Variants in DVL3 observed in about 807,000 individuals in gnomAD.
The protein encoded by DVL3 is segment polarity protein dishevelled homolog DVL-3.
In DVL3, 27 loss-of-function variants were observed where a neutral mutation model predicts 67.4. That is an observed-to-expected ratio of 0.40 (90% CI 0.30 to 0.55). The LOEUF (loss-of-function observed/expected upper bound fraction) is 0.55, where lower values mean the gene tolerates loss of function less well. Among genes scored for constraint, DVL3 ranks in the 20% least tolerant of loss-of-function variants. DVL3 has a pLI of 0.46. For missense variants in DVL3, 819 were observed against 1,021.5 expected (o/e 0.80, Z 2.70); for synonymous variants, 369 against 396.8 (o/e 0.93, Z 0.83).
chr3:184,169,978 T>G (rs1244560245), intron 13 of DVL3, 28 bp from the exon 14 acceptor site: 1 of 1,574,940 alleles, frequency 6.3e-7, no homozygotes, highest in African/African-American at 1.3e-5. Context: ...CGGAAAGACC[T>G]AGCTCCATCC....
intron 1 of DVL3, chr3:184,156,325 C>A (rs552021689): frequency 1.2e-3 from 565 of 456,280 alleles, no homozygotes; most frequent in Middle Eastern, 2.7e-3. Flanking sequence ...GGCGCCTGGC[C>A]GCGAGCGGGG....
chr3:184,164,449 G>GC lies in DVL3; in HGVS notation c.354-38dup, dbSNP rs1714492760. The stretch of plus-strand genomic sequence containing the variant: ...GTTCAGCCCAGGGCTGGGGGAGGGA[G>GC]CCCCCAGCCTGCCCCCTCCCCCATC... On this transcript the variant is annotated intron_variant, in intron 3 of 14. Transcript: ENST00000313143. This position sits in a 1 kb window ranked among gnomAD's most constrained non-coding sequence, Gnocchi z 5.3. 4 of 1,595,728 alleles carry GC rather than the reference G, an allele frequency of 2.5e-6. No individual in the cohort carries two copies. Among genetic ancestry groups the GC allele is most frequent in the Non-Finnish European group, 1.7e-6 (2 of 1,170,390 alleles).
At chr3:184,169,298 A>G (rs1714714563) in intron 13 of DVL3, among the ~76,000 whole-genome samples, 1 of 152,240 alleles carries the variant, frequency 6.6e-6, no homozygotes, top group South Asian at 2.1e-4. Flanking sequence ...ATTGTGCCTC[A>G]TGAACTTCAG....
In DVL3 at chr3:184,156,631, G is replaced by A; in HGVS notation, c.161+835G>A. On this transcript the variant is annotated intron_variant, in intron 1 of 14. Coordinates refer to ENST00000313143, the MANE Select transcript of DVL3 (RefSeq NM_004423.4). The stretch of plus-strand genomic sequence containing the variant: ...CAGAGATCTGGACAGGCACAGTTTG[G>A]AAGCAGTCACTTTCCCTTTAAGAGG... The A allele has an allele frequency of 1.1e-5, 4 of 363,630 alleles. 1 individual carries two copies. Among genetic ancestry groups the A allele is most frequent in the South Asian group, 8.2e-5 (4 of 48,492 alleles). 22.5% of individuals were successfully genotyped at this position (363,630 alleles called of 1,614,324 possible).
chr3:184,165,044 C>T lies in DVL3; in HGVS notation c.600-69C>T. 6.2e-7 allele frequency: 1 copy of T among 1,608,534 alleles called. No individual in the cohort carries two copies. Among genetic ancestry groups the T allele is most frequent in the Non-Finnish European group, 8.5e-7 (1 of 1,177,066 alleles). ...TGGGCTTTGTGTTGGGGACCCAGGC[C>T]CTGCAGTGCCTCCCCTCATGGGGGC... On this transcript the variant is annotated intron_variant, in intron 5 of 14. Transcript: ENST00000313143. This position sits in a 1 kb window ranked among gnomAD's most constrained non-coding sequence, Gnocchi z 4.1.
At position 184,171,934 on chromosome 3, in the gene DVL3, C is replaced by G. The variant is rs1714858365; in HGVS notation, c.*1179C>G. The G allele has an allele frequency of 6.5e-6, 1 of 152,892 alleles. No individual in the cohort carries two copies. The highest frequency in any genetic ancestry group is 1.5e-5 in the Non-Finnish European group (1 of 68,206). The allele number at this position is 152,892 out of a possible 1,614,324, so 9.5% of individuals were successfully genotyped here. ...TTTAAGCCTCAGGGCTGGTCCCTGC[C>G]CAAAGGGCTGGACCCTCCTAATCCT... On this transcript the variant is annotated 3_prime_UTR_variant, in exon 15 of 15. Coordinates refer to ENST00000313143, the MANE Select transcript of DVL3 (RefSeq NM_004423.4).
intron 1 of DVL3, among the ~76,000 whole-genome samples, chr3:184,158,983 C>G (rs1463061991): frequency 6.6e-6 from 1 of 151,532 alleles, no homozygotes. Flanking sequence ...ACCACGTTGG[C>G]CAGGCTGGTC....
Position 184,155,579 on chromosome 3 carries a change from C to G in DVL3, c.-57C>G, listed in dbSNP as rs1297536399. ...CCGCGCGCCGCCGCCGTCTGGGAGG[C>G]TCGGCCCGGCCGCCCGAGCAGGCCG... On this transcript the variant is annotated 5_prime_UTR_variant, in exon 1 of 15. Coordinates refer to ENST00000313143, the MANE Select transcript of DVL3 (RefSeq NM_004423.4). This position sits in a 1 kb window ranked among gnomAD's most constrained non-coding sequence, Gnocchi z 5.4. 2.9e-6 allele frequency: 3 copies of G among 1,037,636 alleles called. No homozygotes were observed. Among genetic ancestry groups the G allele is most frequent in the Non-Finnish European group, 3.5e-6 (3 of 863,870 alleles). 64.3% of individuals were successfully genotyped at this position (1,037,636 alleles called of 1,614,324 possible).
Position 184,164,617 on chromosome 3 carries a change from C to G in DVL3, c.463+16C>G, listed in dbSNP as rs766428325. ...CCAGAGCATGGTATATCTTCCTGAA[C>G]ACGGACACTGTCCGCACCTCACACC... is the stretch of plus-strand genomic sequence containing the variant. On this transcript the variant is annotated intron_variant, in intron 4 of 14. Coordinates refer to ENST00000313143, the MANE Select transcript of DVL3 (RefSeq NM_004423.4). This position sits in a 1 kb window ranked among gnomAD's most constrained non-coding sequence, Gnocchi z 5.3. The G allele has an allele frequency of 8.4e-6, 13 of 1,548,982 alleles. No homozygotes were observed. The highest frequency in any genetic ancestry group is 1.1e-5 in the Non-Finnish European group (13 of 1,145,902).
Position 184,155,842 on chromosome 3 carries a change from G to T in DVL3, c.161+46G>T, listed in dbSNP as rs1180121403. ...GCCTCCGGGAGCCCCGGCCGCTCTGGCTTCTAAGGGATGACGCGGTCCGTT... is the reference window on the plus strand; with the variant it reads ...GCCTCCGGGAGCCCCGGCCGCTCTGTCTTCTAAGGGATGACGCGGTCCGTT... On this transcript the variant is annotated intron_variant, in intron 1 of 14. Transcript: ENST00000313143. This position sits in a 1 kb window ranked among gnomAD's most constrained non-coding sequence, Gnocchi z 5.4. 7.0e-6 allele frequency: 11 copies of T among 1,562,306 alleles called. No individual in the cohort carries two copies. The highest frequency in any genetic ancestry group is 9.5e-6 in the Non-Finnish European group (11 of 1,154,944).
At position 184,166,709 on chromosome 3, in the gene DVL3, C is replaced by T. The variant is rs1714602151; in HGVS notation, c.1048+36C>T. The stretch of plus-strand genomic sequence containing the variant: ...GGGAGACTCAGTCCTAAAGCTGGTG[C>T]TTACATACATGAGCACTGTCTCTCC... On this transcript the variant is annotated intron_variant, in intron 10 of 14. Coordinates refer to ENST00000313143, the MANE Select transcript of DVL3 (RefSeq NM_004423.4). This position sits in a 1 kb window ranked among gnomAD's most constrained non-coding sequence, Gnocchi z 6.7. 6.2e-7 allele frequency: 1 copy of T among 1,612,628 alleles called. No individual in the cohort carries two copies.
intron 13 of DVL3, among the ~76,000 whole-genome samples, 177 bp from the exon 14 acceptor site, chr3:184,169,829 C>G (rs1221984426): frequency 6.6e-6 from 1 of 152,114 alleles, no homozygotes; most frequent in Admixed American, 6.6e-5. Context: ...AGGGTCTCCC[C>G]GGGGCTGGCT....
rs1255121841 is a variant in DVL3, at chr3:184,166,099, C to G, written c.764-27C>G. ...AATGCGGGTAGGAACCTTGCTCCCC[C>G]TTAAGGTCTTAAATTACTCTCTATA... On this transcript the variant is annotated intron_variant, in intron 7 of 14. Transcript: ENST00000313143. This position sits in a 1 kb window ranked among gnomAD's most constrained non-coding sequence, Gnocchi z 6.7. 1.9e-6 allele frequency: 3 copies of G among 1,610,010 alleles called. No individual in the cohort carries two copies. The highest frequency in any genetic ancestry group is 1.7e-5 in the Admixed American group (1 of 58,568).
At chr3:184,156,555 G>A (rs1166345696) in intron 1 of DVL3, 5 of 443,422 alleles carry the variant, frequency 1.1e-5, no homozygotes, top group African/African-American at 2.0e-5. Flanking sequence ...AGAGTTTCTT[G>A]GTGTTCTCTA....
intron 1 of DVL3, among the ~76,000 whole-genome samples, chr3:184,161,674 C>G (rs987498399): frequency 2.6e-5 from 4 of 152,170 alleles, no homozygotes; most frequent in Non-Finnish European, 5.9e-5. Flanking sequence ...CTACATGCTC[C>G]GTGACCACAT....
At chr3:184,169,935 G>A in intron 13 of DVL3, 71 bp from the exon 14 acceptor site, 3 of 1,383,052 alleles carry the variant, frequency 2.2e-6, no homozygotes, top group Non-Finnish European at 3.0e-6. Context: ...CTCTCATCCA[G>A]AGCCCACCTG....
chr3:184,172,054 AT>A lies in DVL3; in HGVS notation c.*1300del, dbSNP rs148253829. 5 of 152,746 alleles carry A rather than the reference AT, an allele frequency of 3.3e-5. No individual in the cohort carries two copies. Among genetic ancestry groups the A allele is most frequent in the African/African-American group, 1.2e-4 (5 of 41,556 alleles). 9.5% of individuals were successfully genotyped at this position (152,746 alleles called of 1,614,324 possible). A position where few individuals can be genotyped will look rare whatever the true frequency, so the allele number is the denominator to read the frequency against. ...ATGTCCCCAGCATTTTCTCACCTGG[AT>A]AAAGCCCATAAGCTGGGTCTCAGGC... On this transcript the variant is annotated 3_prime_UTR_variant, in exon 15 of 15. Coordinates refer to ENST00000313143, the MANE Select transcript of DVL3 (RefSeq NM_004423.4).
rs1474788493 is a variant in DVL3, at chr3:184,165,432, T to C, written c.704T>C (p.Phe235Ser). The change falls in exon 7 of 15, where the codon TTC (phenylalanine) becomes TCC (serine). Residue 235 changes from phenylalanine (F) to serine (S), a missense_variant. Physicochemically the swap from Phe to Ser is radical, Grantham distance 155 (BLOSUM62 -2). Coordinates refer to ENST00000313143, the MANE Select transcript of DVL3 (RefSeq NM_004423.4). The surrounding 1 kb of genome is among the most constrained non-coding windows in gnomAD (Gnocchi z 4.1). ...CTCTGTCTATTCCAGTCCTCGTCCT[T>C]CAGCAGCATCACGGACTCCACCATG... Reference protein sequence around the residue: ...KVSRIERSSSFSSITDSTMSL... With the variant: ...KVSRIERSSSSSSITDSTMSL... 5 of 1,613,996 alleles carry C rather than the reference T, an allele frequency of 3.1e-6. No individual in the cohort carries two copies. In the East Asian group the frequency reaches 1.1e-4, roughly 36 times the overall value.
chr3:184,155,880 G>C lies in DVL3; in HGVS notation c.161+84G>C, dbSNP rs907541795. ...GACGCGGTCCGTTTCGACTTGCCTCGCTACACCGGCTCCTAGCCCCGCTCT... is the reference window on the plus strand; with the variant it reads ...GACGCGGTCCGTTTCGACTTGCCTCCCTACACCGGCTCCTAGCCCCGCTCT... On this transcript the variant is annotated intron_variant, in intron 1 of 14. Transcript: ENST00000313143. The surrounding 1 kb of genome is among the most constrained non-coding windows in gnomAD (Gnocchi z 5.4). The C allele has an allele frequency of 8.9e-6, 13 of 1,468,576 alleles. No homozygotes were observed. The African/African-American group carries it at 1.6e-4, about 18-fold the overall frequency. 91.0% of individuals were successfully genotyped at this position (1,468,576 alleles called of 1,614,324 possible).
Sources: allele counts gnomAD v4.1 joint callset (sites outside exome capture counted in the v4.1 genomes callset), GRCh38; gene constraint gnomAD v4.1.1; non-coding constraint Gnocchi (gnomAD v3.1); transcripts MANE v1.5; gene names NCBI Gene and HGNC (gene_info 2026-07-23, HGNC 2026-07-21).